CRYBB1: variants seen among roughly 807,000 people sequenced by gnomAD.
The protein encoded by CRYBB1 is crystallin beta B1, also known as beta-crystallin B1.
A neutral mutation model predicts 29.5 loss-of-function variants in CRYBB1; 16 were observed. The ratio of observed to expected loss-of-function variants is 0.54; its 90% CI spans 0.37 to 0.82. CRYBB1 has a LOEUF of 0.82. CRYBB1 is among the 40% of genes least tolerant of loss of function. The probability of loss-of-function intolerance (pLI) is 0.00; values close to 1 mark genes in which losing one functional copy is unlikely to be tolerated. For synonymous variants in CRYBB1, 127 were observed against 136.7 expected, an observed-to-expected ratio of 0.93 and a Z score of 0.49; for missense variants, 300 against 350.5, an observed-to-expected ratio of 0.86 and a Z score of 1.15.
chr22:26,608,017 C>T lies in CRYBB1; in HGVS notation c.304G>A (p.Val102Ile). 1 of 1,614,174 alleles carries T rather than the reference C, an allele frequency of 6.2e-7. No individual in the cohort carries two copies. Residue 102 changes from valine (V) to isoleucine (I), a missense_variant, in exon 4 of 6, where the codon GTC becomes ATC. Val to Ile is a conservative substitution (Grantham distance 29). Transcript: ENST00000647684. ...CGGAAGTTGGACTGCTCAAAGGCGA[C>T]CCAGCTGGATACAAGAAGGACCATG... ...RSIIVSAGPW[V>I]AFEQSNFRGE...
At chr22:26,599,712 G>A (rs373211830) in intron 5 of CRYBB1, 39 bp from the exon 6 acceptor site, 1 of 1,571,848 alleles carries the variant, frequency 6.4e-7, no homozygotes, top group African/African-American at 1.3e-5. Context: ...GAGACAGCCT[G>A]TCTCGTTGCC....
intron 4 of CRYBB1, among the ~76,000 whole-genome samples, chr22:26,605,232 C>T (rs1176702132): frequency 6.6e-6 from 1 of 152,192 alleles, no homozygotes; most frequent in African/African-American, 2.4e-5. Context: ...TTGTGTAACA[C>T]CTACCACAGT....
Position 26,599,349 on chromosome 22 carries a change from A to C in CRYBB1, c.*141T>G, listed in dbSNP as rs1928749960. 1.4e-6 allele frequency: 1 copy of C among 733,230 alleles called. No homozygotes were observed. The highest frequency in any genetic ancestry group is 1.8e-5 in the African/African-American group (1 of 57,030). 45.4% of individuals were successfully genotyped at this position (733,230 alleles called of 1,614,324 possible). A position where few individuals can be genotyped will look rare whatever the true frequency, so the allele number is the denominator to read the frequency against. ...GCGAGGAAGTCACATCCCAGTAACT[A>C]TGGGGGACCTCAAGGCACACATCTG... On this transcript the variant is annotated 3_prime_UTR_variant, in exon 6 of 6. Coordinates refer to ENST00000647684, the MANE Select transcript of CRYBB1 (RefSeq NM_001887.4).
rs1180888411 is a variant in CRYBB1, at chr22:26,601,980, G to GT, written c.473dup (p.Asn158LysfsTer24). 3.1e-5 allele frequency: 50 copies of GT among 1,613,828 alleles called. No homozygotes were observed. Among genetic ancestry groups the GT allele is most frequent in the Non-Finnish European group, 4.2e-5 (50 of 1,179,904 alleles). The stretch of plus-strand genomic sequence containing the variant: ...GGATCTCTATGGTGTTGCCCTTGAA[G>GT]TTGGCCCCTTCAAACAGGGAGATTT... On this transcript the variant is annotated frameshift_variant, in exon 5 of 6. Coordinates refer to ENST00000647684, the MANE Select transcript of CRYBB1 (RefSeq NM_001887.4). LOFTEE classifies it high-confidence loss of function.
chr22:26,606,655 C>T (rs926866294), intron 4 of CRYBB1, among the ~76,000 whole-genome samples: 3 of 152,176 alleles, frequency 2.0e-5, no homozygotes, highest in African/African-American at 7.2e-5. Flanking sequence ...TTACATTCTG[C>T]GAAAAGTGTT....
In CRYBB1 at chr22:26,599,501, G is replaced by C. The variant is rs148828054; in HGVS notation, c.748C>G (p.Pro250Ala). 5 of 1,612,456 alleles carry C rather than the reference G, an allele frequency of 3.1e-6. No individual in the cohort carries two copies. In the African/African-American group the frequency reaches 6.7e-5, roughly 22 times the overall value. ...AGTGAGGTGTGGACTCACTTGGGGG[G>C]CTCTGTGGCCAGGACAGGGAAGGAC... Reference protein sequence around the residue: ...EGSFPVLATEPPK With the variant: ...EGSFPVLATEAPK Residue 250 changes from proline (P) to alanine (A), a missense_variant, in exon 6 of 6, where the codon CCC becomes GCC. Pro to Ala is a conservative substitution (Grantham distance 27). Transcript: ENST00000647684.
At chr22:26,611,816 G>A (rs1929175705) in intron 3 of CRYBB1, among the ~76,000 whole-genome samples, 1 of 152,090 alleles carries the variant, frequency 6.6e-6, no homozygotes, top group Non-Finnish European at 1.5e-5. Flanking sequence ...TTTCTCCAGA[G>A]CCCAGAACCA....
At chr22:26,607,788 C>T in intron 4 of CRYBB1, 101 bp downstream of exon 4, 1 of 1,554,502 alleles carries the variant, frequency 6.4e-7, no homozygotes, top group Admixed American at 1.7e-5. Context: ...CCACGCCTCC[C>T]TACCCACCAT....
intron 4 of CRYBB1, among the ~76,000 whole-genome samples, chr22:26,606,674 T>C (rs2145962764): frequency 6.6e-6 from 1 of 152,366 alleles, no homozygotes; most frequent in South Asian, 2.1e-4. Context: ...TTGGGAATGA[T>C]CTGTTTGAAT....
Position 26,616,333 on chromosome 22 carries a change from A to G in CRYBB1, c.-14T>C. On this transcript the variant is annotated 5_prime_UTR_variant, in exon 2 of 6. Coordinates refer to ENST00000647684, the MANE Select transcript of CRYBB1 (RefSeq NM_001887.4). Reference sequence around the variant, plus strand: ...AGCCTGAGACATGGTTCCCGCCTGCAAAAGTCTGTAAAGAAACTCTGGCCT... The same window carrying G: ...AGCCTGAGACATGGTTCCCGCCTGCGAAAGTCTGTAAAGAAACTCTGGCCT... The G allele has an allele frequency of 6.2e-7, 1 of 1,610,702 alleles. No homozygotes were observed. Among genetic ancestry groups the G allele is most frequent in the Non-Finnish European group, 8.5e-7 (1 of 1,178,662 alleles).
chr22:26,613,805 A>G (rs1350997733), intron 2 of CRYBB1, among the ~76,000 whole-genome samples: 1 of 152,238 alleles, frequency 6.6e-6, no homozygotes, highest in African/African-American at 2.4e-5. Flanking sequence ...TCTGACCGCC[A>G]GTGAGCCGGG....
intron 3 of CRYBB1, among the ~76,000 whole-genome samples, chr22:26,610,313 C>A (rs887209429): frequency 2.0e-5 from 3 of 152,156 alleles, no homozygotes; most frequent in Non-Finnish European, 4.4e-5. Flanking sequence ...GGCCTCCTCA[C>A]TTTCCCCATG....
chr22:26,599,393 A>G lies in CRYBB1; in HGVS notation c.*97T>C. On this transcript the variant is annotated 3_prime_UTR_variant, in exon 6 of 6. Transcript: ENST00000647684. Reference sequence around the variant, plus strand: ...ACATCTGTTTACAGATCCAGGAGAAATTTTGGCTTTAGGGAATTTTATTTG... The same window carrying G: ...ACATCTGTTTACAGATCCAGGAGAAGTTTTGGCTTTAGGGAATTTTATTTG... The G allele has an allele frequency of 7.9e-7, 1 of 1,271,066 alleles. No individual in the cohort carries two copies. The highest frequency in any genetic ancestry group is 1.1e-6 in the Non-Finnish European group (1 of 897,238). 78.7% of individuals were successfully genotyped at this position (1,271,066 alleles called of 1,614,324 possible).
chr22:26,610,634 C>T (rs1929127306), intron 3 of CRYBB1, among the ~76,000 whole-genome samples: 1 of 152,138 alleles, frequency 6.6e-6, no homozygotes. Flanking sequence ...CCCGGGTAGC[C>T]TCCAGGATAA....
intron 4 of CRYBB1, among the ~76,000 whole-genome samples, chr22:26,603,629 G>T (rs5761622): frequency 0.17 from 26,026 of 151,976 alleles, 2,505 homozygotes; most frequent in East Asian, 0.31. Flanking sequence ...GCCTGGCCGG[G>T]CGCGGTGGCT....
chr22:26,600,004 G>A (rs1358052919), intron 5 of CRYBB1, among the ~76,000 whole-genome samples: 3 of 152,206 alleles, frequency 2.0e-5, no homozygotes, highest in East Asian at 3.8e-4. Context: ...CCCATTAAAC[G>A]TGATGATGCA....
Position 26,601,995 on chromosome 22 carries a change from CAG to C in CRYBB1, c.457_458del (p.Leu153ValfsTer2), listed in dbSNP as rs1928836010. 1 of 1,613,708 alleles carries C rather than the reference CAG, an allele frequency of 6.2e-7. No homozygotes were observed. The highest frequency in any genetic ancestry group is 8.5e-7 in the Non-Finnish European group (1 of 1,179,908). ...KMDAQEHKIS[L>X]FEGANFKGNT... ...TGCCCTTGAAGTTGGCCCCTTCAAA[CAG>C]GGAGATTTTGTGCTCCTGGGCATCC... On this transcript the variant is annotated frameshift_variant, in exon 5 of 6. Transcript: ENST00000647684. LOFTEE classifies it high-confidence loss of function.
intron 2 of CRYBB1, among the ~76,000 whole-genome samples, chr22:26,612,430 A>G (rs1294162674): frequency 6.6e-6 from 1 of 152,104 alleles, no homozygotes; most frequent in Non-Finnish European, 1.5e-5. Flanking sequence ...TGGCGCAATC[A>G]TGGCTCACTG....
At chr22:26,599,787 A>G in intron 5 of CRYBB1, 114 bp from the exon 6 acceptor site, 1 of 827,976 alleles carries the variant, frequency 1.2e-6, no homozygotes, top group Non-Finnish European at 2.0e-6. Flanking sequence ...CTGCTCTCTC[A>G]CTTCTGTCCT....
Sources: gnomAD v4.1 joint callset for allele counts (sites outside exome capture counted in the v4.1 genomes callset) on GRCh38, gnomAD v4.1.1 for gene constraint, MANE v1.5 for transcripts, NCBI Gene and HGNC (gene_info 2026-07-23, HGNC 2026-07-21) for gene names.